CUBN: variants seen among roughly 807,000 people sequenced by gnomAD.
CUBN encodes the protein cubilin, also known as 460 kDa receptor.
Under a neutral mutation model 405.3 loss-of-function variants are expected in CUBN, and 282 were observed. The ratio of observed to expected loss-of-function variants is 0.70; its 90% CI spans 0.63 to 0.77. The LOEUF (loss-of-function observed/expected upper bound fraction) is 0.77, where lower values mean the gene tolerates loss of function less well. CUBN is among the 30% of genes least tolerant of loss of function. CUBN has a pLI of 0.00. For synonymous variants in CUBN, 1,684 were observed against 1,617.0 expected (o/e 1.04, Z -0.99); for missense variants, 4,514 against 4,475.2 (o/e 1.01, Z -0.25).
rs1372124703 is a variant in CUBN, at chr10:17,102,252, CCTATTTAT to C, written c.1530+865_1530+872del. Among the ~76,000 whole-genome samples the C allele has an allele frequency of 6.2e-3, 900 of 145,104 alleles. 11 individuals carry two copies. The highest frequency in any genetic ancestry group is 7.6e-3 in the Admixed American group (110 of 14,464). On this transcript the variant is annotated intron_variant, in intron 13 of 66. Coordinates refer to ENST00000377833, the MANE Select transcript of CUBN (RefSeq NM_001081.4). Reference sequence around the variant, plus strand: ...ATTTCATCTATAAAAGGAGGATCCTCCTATTTATTTATTTATTTATTTATTTATTTATT... The same window carrying C: ...ATTTCATCTATAAAAGGAGGATCCTCTTATTTATTTATTTATTTATTTATT...
At chr10:16,947,442 C>A in intron 35 of CUBN, 75 bp from the exon 36 acceptor site, 1 of 1,423,360 alleles carries the variant, frequency 7.0e-7, no homozygotes, top group Non-Finnish European at 9.9e-7. Flanking sequence ...GGAGAAAGAA[C>A]GCTAGAGCCA....
At chr10:17,077,489 T>C (rs1835878442) in intron 17 of CUBN, among the ~76,000 whole-genome samples, 1 of 152,254 alleles carries the variant, frequency 6.6e-6, no homozygotes, top group African/African-American at 2.4e-5. Flanking sequence ...TCATTTGTCT[T>C]CCTCTGCTAT....
At chr10:16,883,881 G>T (rs2796832) in intron 56 of CUBN, among the ~76,000 whole-genome samples, 105,316 of 152,148 alleles carry the variant, frequency 0.69, 37,882 homozygotes, top group East Asian at 0.83. Flanking sequence ...TACAGTTTAC[G>T]GCGTGTAGAA....
In CUBN at chr10:16,888,514, G is replaced by A. The variant is rs1248554885; in HGVS notation, c.8808C>T (p.Tyr2936=). Residue 2936 remains tyrosine, a synonymous_variant, in exon 56 of 67, where the codon TAC becomes TAT. Transcript: ENST00000377833. Reference sequence around the variant, plus strand: ...TCATGTTGTTGTCATATTGTTTTGGGTAATTTGGAGAAATGATGTAACCTG... The same window carrying A: ...TCATGTTGTTGTCATATTGTTTTGGATAATTTGGAGAAATGATGTAACCTG... The part of the protein sequence containing the change: ...GPSGYIISPN[Y]PKQYDNNMNC... 1.7e-5 allele frequency: 28 copies of A among 1,613,498 alleles called. No individual in the cohort carries two copies. The highest frequency in any genetic ancestry group is 2.3e-5 in the Non-Finnish European group (27 of 1,179,650).
At chr10:16,893,739 G>C (rs938038093) in intron 54 of CUBN, among the ~76,000 whole-genome samples, 106 of 152,214 alleles carry the variant, frequency 7.0e-4, no homozygotes, top group African/African-American at 2.5e-3. Context: ...CGGTAAGCAA[G>C]TACCACAATT....
intron 56 of CUBN, among the ~76,000 whole-genome samples, chr10:16,884,832 T>C (rs1402499315): frequency 6.6e-6 from 1 of 152,176 alleles, no homozygotes; most frequent in Non-Finnish European, 1.5e-5. Flanking sequence ...ATCCCACCTT[T>C]TGTGCTAATG....
chr10:17,116,388 G>T (rs1372243081), intron 6 of CUBN, among the ~76,000 whole-genome samples: 1 of 152,192 alleles, frequency 6.6e-6, no homozygotes, highest in Non-Finnish European at 1.5e-5. Flanking sequence ...GGGTAGAGGA[G>T]TCCCAGAAGC....
Position 16,851,399 on chromosome 10 carries a change from T to C in CUBN, c.9499A>G (p.Thr3167Ala). 6.2e-7 allele frequency: 1 copy of C among 1,614,108 alleles called. No individual in the cohort carries two copies. The highest frequency in any genetic ancestry group is 1.6e-4 in the Middle Eastern group (1 of 6,062). ...CGGYLTGSNN[T>A]FASPDSDSNG... ...GAATCAGAATCAGGAGAGGCAAAGG[T>C]ATTATTCGAGCCTGTCAGATAACCA... The change falls in exon 60 of 67, where the codon ACC becomes GCC. Residue 3167 changes from threonine to alanine, a missense_variant. Physicochemically the swap from Thr to Ala is moderately conservative, Grantham distance 58 (BLOSUM62 0). Transcript: ENST00000377833.
chr10:17,067,675 A>G (rs528491934), intron 21 of CUBN, among the ~76,000 whole-genome samples: 43 of 152,294 alleles, frequency 2.8e-4, no homozygotes, highest in Middle Eastern at 6.8e-3. Flanking sequence ...TAATTGAGGA[A>G]AGTCAGAAAA....
rs1033888526 is a variant in CUBN, at chr10:17,085,904, G to C, written c.1948-145C>G. 2.0e-5 allele frequency: 15 copies of C among 735,572 alleles called. No homozygotes were observed. In the African/African-American group the frequency reaches 2.1e-4, roughly 10 times the overall value. 45.6% of individuals were successfully genotyped at this position (735,572 alleles called of 1,614,324 possible). A position where few individuals can be genotyped will look rare whatever the true frequency, so the allele number is the denominator to read the frequency against. The stretch of plus-strand genomic sequence containing the variant: ...CCATCACATCCAAATGTAACTCATG[G>C]CTGAGGTTCAGCAAAGTGTGTCTCC... On this transcript the variant is annotated intron_variant, in intron 15 of 66. Transcript: ENST00000377833.
rs111739614 is a variant in CUBN at position 16,986,138 on chromosome 10, G to C, written c.4351-1859C>G. Among the ~76,000 whole-genome samples, 719 of 152,332 alleles carry C rather than the reference G, an allele frequency of 4.7e-3. 6 individuals carry two copies. Among genetic ancestry groups the C allele is most frequent in the African/African-American group, 0.016 (646 of 41,568 alleles). The stretch of plus-strand genomic sequence containing the variant: ...TGTAAAAGAAAGACCATCTTTGGGA[G>C]ACAGTTTTCAAAGAGTTGGTATCTG... On this transcript the variant is annotated intron_variant, in intron 29 of 66. Coordinates refer to ENST00000377833, the MANE Select transcript of CUBN (RefSeq NM_001081.4).
In CUBN at chr10:16,877,113, A is replaced by C. The variant is rs774354538; in HGVS notation, c.8906-16T>G. 1 of 1,608,382 alleles carries C rather than the reference A, an allele frequency of 6.2e-7. No homozygotes were observed. Among genetic ancestry groups the C allele is most frequent in the East Asian group, 2.2e-5 (1 of 44,560 alleles). On this transcript the variant is annotated splice_polypyrimidine_tract_variant and intron_variant, in intron 56 of 66. Coordinates refer to ENST00000377833, the MANE Select transcript of CUBN (RefSeq NM_001081.4). ...GCGGAACGAGCTGGAAAAGGCATGGAACAACCGCATTATGATCAGAACCTA... is the reference window on the plus strand; with the variant it reads ...GCGGAACGAGCTGGAAAAGGCATGGCACAACCGCATTATGATCAGAACCTA...
intron 6 of CUBN, chr10:17,122,555 C>T (rs757065538): frequency 3.7e-5 from 21 of 561,672 alleles, no homozygotes; most frequent in East Asian, 8.6e-5. Context: ...AGCCTTCTTC[C>T]GGTTCCTTGG....
intron 31 of CUBN, among the ~76,000 whole-genome samples, chr10:16,980,337 C>G (rs1381469123): frequency 6.6e-6 from 1 of 152,192 alleles, no homozygotes; most frequent in South Asian, 2.1e-4. Context: ...AATCCCATTA[C>G]TGGGTATATA....
rs183478575 is a variant in CUBN at position 17,031,807 on chromosome 10, A to T, written c.4017+9226T>A. Among the ~76,000 whole-genome samples, 17 of 152,352 alleles carry T rather than the reference A, an allele frequency of 1.1e-4. No individual in the cohort carries two copies. In the East Asian group the frequency reaches 3.1e-3, roughly 28 times the overall value. On this transcript the variant is annotated intron_variant, in intron 27 of 66. Transcript: ENST00000377833. ...AACCAAGCAATTTGGAAATTGAAGAATCATCCTTGGCACCTGTTTGGAATC... is the reference window on the plus strand; with the variant it reads ...AACCAAGCAATTTGGAAATTGAAGATTCATCCTTGGCACCTGTTTGGAATC...
intron 32 of CUBN, among the ~76,000 whole-genome samples, chr10:16,953,919 G>GGAGGAGGA (rs1420216996): frequency 6.6e-6 from 1 of 151,094 alleles, no homozygotes; most frequent in East Asian, 2.0e-4. Flanking sequence ...GAAGAAGAGG[G>GGAGGAGGA]GAGGAAGGGA....
chr10:16,974,375 T>C (rs1833027187), intron 31 of CUBN, among the ~76,000 whole-genome samples: 1 of 152,140 alleles, frequency 6.6e-6, no homozygotes, highest in African/African-American at 2.4e-5. Context: ...TAGAGGTATT[T>C]GCTTCTAATG....
At chr10:16,879,957 T>TGAG (rs1840620835) in intron 56 of CUBN, among the ~76,000 whole-genome samples, 1 of 152,194 alleles carries the variant, frequency 6.6e-6, no homozygotes, top group South Asian at 2.1e-4. Context: ...GTACCCACTG[T>TGAG]GAGAGCAGCA....
At chr10:17,119,077 A>G (rs1836971791) in intron 6 of CUBN, among the ~76,000 whole-genome samples, 1 of 152,214 alleles carries the variant, frequency 6.6e-6, no homozygotes, top group African/African-American at 2.4e-5. Flanking sequence ...CCATGGTTCA[A>G]TACTAATTTT....
Sources: allele counts gnomAD v4.1 joint callset (sites outside exome capture counted in the v4.1 genomes callset), GRCh38; gene constraint gnomAD v4.1.1; transcripts MANE v1.5; gene names NCBI Gene and HGNC (gene_info 2026-07-23, HGNC 2026-07-21).